SOX5: variants seen among roughly 807,000 people sequenced by gnomAD.
SOX5 encodes transcription factor SOX-5.
A neutral mutation model predicts 92.0 loss-of-function variants in SOX5; 9 were observed. That is an observed-to-expected ratio of 0.10 (90% confidence interval 0.06 to 0.17). SOX5 has a LOEUF of 0.17. Ranked by LOEUF, SOX5 falls within the 10% of genes least tolerant of loss-of-function variation. The pLI, the probability that SOX5 is intolerant of heterozygous loss-of-function variation, is 1.00. For missense variants in SOX5, 642 were observed against 944.5 expected (o/e 0.68, Z 4.20); for synonymous variants, 344 against 336.3 (o/e 1.02, Z -0.25).
chr12:24,439,863 C>A (rs1196161681), intron 1 of SOX5, among the ~76,000 whole-genome samples: 1 of 152,200 alleles, frequency 6.6e-6, no homozygotes, highest in East Asian at 1.9e-4. Flanking sequence ...CCACTGCACT[C>A]CAGCCTGGGC....
chr12:23,997,576 T>C (rs188051532), intron 4 of SOX5, among the ~76,000 whole-genome samples: 1 of 152,314 alleles, frequency 6.6e-6, no homozygotes, highest in African/African-American at 2.4e-5. Context: ...GAGAGATTCC[T>C]AGCCATCTAC....
chr12:23,648,648 A>G (rs1053327935), intron 7 of SOX5, among the ~76,000 whole-genome samples: 3 of 151,328 alleles, frequency 2.0e-5, no homozygotes, highest in African/African-American at 7.2e-5. Context: ...AAAGAGTGGT[A>G]TCAGAAGAAA....
At position 23,899,820 on chromosome 12, in the gene SOX5, C is replaced by T. The variant is rs554816371; in HGVS notation, c.39-3796G>A. On this transcript the variant is annotated intron_variant, in intron 1 of 14. Coordinates refer to ENST00000451604, the MANE Select transcript of SOX5 (RefSeq NM_006940.6). ...ACACTTATTTAATGGGAATAAAAAACCTATTTCTCGGCCTCTGGTTAAAGA... is the reference window on the plus strand; with the variant it reads ...ACACTTATTTAATGGGAATAAAAAATCTATTTCTCGGCCTCTGGTTAAAGA... Among the ~76,000 whole-genome samples the T allele has an allele frequency of 2.6e-5, 4 of 152,254 alleles. No individual in the cohort carries two copies. The East Asian group carries it at 7.7e-4, about 29-fold the overall frequency.
At chr12:24,410,480 A>G (rs978460542) in intron 1 of SOX5, among the ~76,000 whole-genome samples, 7 of 152,194 alleles carry the variant, frequency 4.6e-5, no homozygotes, top group African/African-American at 1.7e-4. Context: ...TACTTTTTGC[A>G]TAAGTTATAA....
intron 1 of SOX5, among the ~76,000 whole-genome samples, chr12:23,915,945 A>G (rs1424255028): frequency 6.6e-6 from 1 of 152,196 alleles, no homozygotes; most frequent in African/African-American, 2.4e-5. Context: ...AACTTGCTGC[A>G]CTAGCATTGC....
chr12:23,951,001 A>ACACACACT (rs1555447935), upstream of SOX5: 3 of 687,238 alleles, frequency 4.4e-6, no homozygotes, highest in African/African-American at 5.4e-5. Context: ...ACACACACAC[A>ACACACACT]CACTCACTCA....
At chr12:24,173,488 G>T (rs1339539440) in intron 4 of SOX5, among the ~76,000 whole-genome samples, 1 of 152,260 alleles carries the variant, frequency 6.6e-6, no homozygotes, top group Non-Finnish European at 1.5e-5. Context: ...AGGGGCAGCT[G>T]ATACGCTGGC....
chr12:24,187,508 G>C (rs141214259), intron 4 of SOX5, among the ~76,000 whole-genome samples: 6 of 152,304 alleles, frequency 3.9e-5, no homozygotes, highest in African/African-American at 1.4e-4. Context: ...CACTTTGAGT[G>C]TTTTTACAAA....
intron 4 of SOX5, among the ~76,000 whole-genome samples, chr12:24,173,629 T>G (rs557757703): frequency 6.6e-6 from 1 of 151,546 alleles, no homozygotes. Context: ...CAATCTTGGG[T>G]GCACAGAAAA....
At chr12:23,633,541 T>C (rs2078829347) in intron 8 of SOX5, among the ~76,000 whole-genome samples, 1 of 151,950 alleles carries the variant, frequency 6.6e-6, no homozygotes, top group African/African-American at 2.4e-5. Context: ...TCAGCATCAG[T>C]ATAATAAATA....
chr12:23,956,817 C>T (rs938647401), intron 4 of SOX5, among the ~76,000 whole-genome samples: 11 of 152,114 alleles, frequency 7.2e-5, no homozygotes, highest in African/African-American at 2.7e-4. Context: ...TCCTGAGTAG[C>T]TTGGATTACA....
intron 6 of SOX5, among the ~76,000 whole-genome samples, chr12:23,673,190 G>A (rs1057452741): frequency 2.0e-4 from 31 of 152,076 alleles, no homozygotes; most frequent in African/African-American, 7.5e-4. Context: ...GAATTCAAAT[G>A]GTAATTATTA....
intron 1 of SOX5, among the ~76,000 whole-genome samples, chr12:23,945,842 G>A (rs1260466811): frequency 1.3e-5 from 2 of 151,966 alleles, no homozygotes; most frequent in Non-Finnish European, 2.9e-5. Flanking sequence ...TTTTTTTGTT[G>A]TTGTTGTTAA....
chr12:23,821,462 T>C (rs1219302028), intron 3 of SOX5, among the ~76,000 whole-genome samples: 1 of 152,206 alleles, frequency 6.6e-6, no homozygotes, highest in Non-Finnish European at 1.5e-5. Context: ...CAACACTATG[T>C]TGAATAGGAG....
intron 1 of SOX5, among the ~76,000 whole-genome samples, chr12:24,453,882 C>A (rs1236734513): frequency 6.6e-6 from 1 of 152,192 alleles, no homozygotes; most frequent in Non-Finnish European, 1.5e-5. Context: ...CTCTCTGATT[C>A]AGCATGACAT....
chr12:23,844,015 A>C (rs2096547635), intron 3 of SOX5, among the ~76,000 whole-genome samples: 1 of 152,218 alleles, frequency 6.6e-6, no homozygotes, highest in Non-Finnish European at 1.5e-5. Flanking sequence ...CAACTTGAAA[A>C]TATCATTAAG....
At chr12:23,860,249 A>G (rs1037426403) in intron 2 of SOX5, among the ~76,000 whole-genome samples, 1 of 152,064 alleles carries the variant, frequency 6.6e-6, no homozygotes, top group African/African-American at 2.4e-5. Context: ...CCTCCATGAC[A>G]TGTGTTTATC....
chr12:23,674,898 C>T (rs188112880), intron 6 of SOX5, among the ~76,000 whole-genome samples: 2 of 151,974 alleles, frequency 1.3e-5, no homozygotes, highest in African/African-American at 4.8e-5. Context: ...CGACATAGTA[C>T]CTGGCATAAA....
intron 4 of SOX5, among the ~76,000 whole-genome samples, chr12:24,156,882 G>C (rs1471005135): frequency 6.6e-6 from 1 of 152,046 alleles, no homozygotes; most frequent in Non-Finnish European, 1.5e-5. Context: ...GGTAAATAAT[G>C]GTGTTTTATC....
Sources: gnomAD v4.1 joint callset for allele counts (sites outside exome capture counted in the v4.1 genomes callset) on GRCh38, gnomAD v4.1.1 for gene constraint, MANE v1.5 for transcripts, NCBI Gene and HGNC (gene_info 2026-07-23, HGNC 2026-07-21) for gene names.